The following SLIT3 variants were observed in gnomAD, a reference collection of about 807,000 sequenced individuals.
SLIT3 encodes the protein slit homolog 3 protein.
SLIT3 carries 68 observed loss-of-function variants against 184.0 expected under a neutral mutation model. The ratio of observed to expected loss-of-function variants is 0.37; its 90% CI spans 0.30 to 0.45. SLIT3 has a LOEUF of 0.45. Among genes scored for constraint, SLIT3 ranks in the 20% least tolerant of loss-of-function variants. The pLI is 1.00. For synonymous variants in SLIT3, 831 were observed against 828.6 expected, an observed-to-expected ratio of 1.00 and a Z score of -0.05; for missense variants, 1,707 against 2,026.0, an observed-to-expected ratio of 0.84 and a Z score of 3.02.
intron 1 of SLIT3, among the ~76,000 whole-genome samples, chr5:169,287,347 C>A (rs1356454803): frequency 6.6e-6 from 1 of 152,176 alleles, no homozygotes; most frequent in Non-Finnish European, 1.5e-5. Context: ...CCATCTGGTG[C>A]CTCTCCCCTC....
intron 4 of SLIT3, among the ~76,000 whole-genome samples, chr5:169,091,729 C>G (rs1418316459): frequency 6.6e-6 from 1 of 152,182 alleles, no homozygotes; most frequent in Admixed American, 6.5e-5. Context: ...GCTCTCCTCC[C>G]CACAGTGCAA....
intron 23 of SLIT3, among the ~76,000 whole-genome samples, chr5:168,715,179 T>C (rs997253853): frequency 6.6e-6 from 1 of 152,232 alleles, no homozygotes; most frequent in African/African-American, 2.4e-5. Flanking sequence ...CTGTGTGAGC[T>C]GAGACAATTG....
chr5:168,798,385 G>C (rs540409323), intron 9 of SLIT3, among the ~76,000 whole-genome samples: 1 of 151,946 alleles, frequency 6.6e-6, no homozygotes, highest in South Asian at 2.1e-4. Flanking sequence ...TACCATGCCT[G>C]GCTAATTTTT....
chr5:168,939,807 T>G (rs1762277281), intron 4 of SLIT3, among the ~76,000 whole-genome samples: 1 of 152,240 alleles, frequency 6.6e-6, no homozygotes, highest in Non-Finnish European at 1.5e-5. Context: ...CTTGTCTTAA[T>G]CTTAATGCCA....
chr5:169,226,322 G>A (rs756698894), intron 3 of SLIT3, among the ~76,000 whole-genome samples: 3 of 151,948 alleles, frequency 2.0e-5, no homozygotes, highest in Non-Finnish European at 2.9e-5. Flanking sequence ...GGAGACCTTC[G>A]ACTCCTCTGC....
intron 3 of SLIT3, among the ~76,000 whole-genome samples, chr5:169,215,485 T>C (rs1008275868): frequency 1.3e-5 from 2 of 149,466 alleles, no homozygotes; most frequent in African/African-American, 5.0e-5. Context: ...AAACAGTAAT[T>C]ACTCTGGGCT....
At chr5:169,119,705 TGTGGCACGCTGCCTCTGTGGGTCTCC>T (rs532091865) in intron 4 of SLIT3, among the ~76,000 whole-genome samples, 3,413 of 152,332 alleles carry the variant, frequency 0.022, 79 homozygotes, top group Non-Finnish European at 0.029. Context: ...AACACCCAAC[TGTGGCACGCTGCCTCTGTGGGTCTCC>T]TGTCTTCCCT....
chr5:169,016,948 C>A (rs1443569371), intron 4 of SLIT3, among the ~76,000 whole-genome samples: 3 of 152,168 alleles, frequency 2.0e-5, no homozygotes, highest in East Asian at 3.8e-4. Context: ...GATCCCAGGT[C>A]ACAGAGCAAG....
chr5:169,270,100 C>T (rs762923789), intron 1 of SLIT3, among the ~76,000 whole-genome samples: 2 of 152,218 alleles, frequency 1.3e-5, no homozygotes, highest in African/African-American at 2.4e-5. Context: ...TCTCCTCAGC[C>T]ATTGCCACAA....
chr5:168,859,551 A>G (rs928339065), intron 5 of SLIT3, among the ~76,000 whole-genome samples: 1 of 152,232 alleles, frequency 6.6e-6, no homozygotes, highest in Non-Finnish European at 1.5e-5. Context: ...CACTGAGTAA[A>G]GAGATTTCGA....
At chr5:168,964,454 G>A (rs554997645) in intron 4 of SLIT3, among the ~76,000 whole-genome samples, 1 of 152,236 alleles carries the variant, frequency 6.6e-6, no homozygotes, top group South Asian at 2.1e-4. Context: ...CGTATTATTG[G>A]CCAACAAAAC....
chr5:169,247,569 G>A (rs1401480498), intron 2 of SLIT3, among the ~76,000 whole-genome samples: 1 of 152,164 alleles, frequency 6.6e-6, no homozygotes, highest in Non-Finnish European at 1.5e-5. Flanking sequence ...TTTCAGAGAT[G>A]GGAATAGAAG....
In SLIT3 at chr5:169,195,936, G is replaced by T. The variant is rs199926178; in HGVS notation, c.342-2386C>A. ...AATAAAAAAACTGTACACTAAAAGTGTAGTTAGTTCAGTAGCGTTGAGTAT... is the reference window on the plus strand; with the variant it reads ...AATAAAAAAACTGTACACTAAAAGTTTAGTTAGTTCAGTAGCGTTGAGTAT... On this transcript the variant is annotated intron_variant, in intron 3 of 35. Coordinates refer to ENST00000519560, the MANE Select transcript of SLIT3 (RefSeq NM_003062.4). 1.8e-4 allele frequency among the ~76,000 whole-genome samples: 28 copies of T among 152,322 alleles called. No homozygotes were observed. In the East Asian group the frequency reaches 5.0e-3, roughly 27 times the overall value.
chr5:169,162,512 T>C (rs1411526238), intron 4 of SLIT3, among the ~76,000 whole-genome samples: 4 of 152,156 alleles, frequency 2.6e-5, no homozygotes, highest in African/African-American at 7.2e-5. Flanking sequence ...CCAGATGCCA[T>C]GGGGACACAA....
intron 4 of SLIT3, among the ~76,000 whole-genome samples, chr5:169,059,522 G>A (rs1313835299): frequency 1.3e-5 from 2 of 152,080 alleles, no homozygotes; most frequent in African/African-American, 2.4e-5. Context: ...CAATGCTCTC[G>A]GTCCCAAAGC....
intron 20 of SLIT3, among the ~76,000 whole-genome samples, chr5:168,741,533 G>A (rs866210942): frequency 5.3e-5 from 8 of 150,706 alleles, no homozygotes; most frequent in East Asian, 1.9e-4. Flanking sequence ...TGCCTGCTAC[G>A]GGTTAGTTGC....
chr5:169,147,356 C>T (rs1015991939), intron 4 of SLIT3, among the ~76,000 whole-genome samples: 2 of 152,210 alleles, frequency 1.3e-5, no homozygotes, highest in African/African-American at 4.8e-5. Flanking sequence ...GCAACCTCCA[C>T]CTCCCGGGTT....
At chr5:169,098,926 C>T (rs1181754678) in intron 4 of SLIT3, among the ~76,000 whole-genome samples, 1 of 151,978 alleles carries the variant, frequency 6.6e-6, no homozygotes, top group African/African-American at 2.4e-5. Context: ...ACACCTGGGC[C>T]GGCAGAAAAA....
chr5:168,727,923 G>A (rs1168267227), intron 20 of SLIT3, among the ~76,000 whole-genome samples: 1 of 152,176 alleles, frequency 6.6e-6, no homozygotes, highest in Non-Finnish European at 1.5e-5. Flanking sequence ...GGAGCTTGGA[G>A]GCAGGAGCTG....
Sources: gnomAD v4.1 joint callset for allele counts (sites outside exome capture counted in the v4.1 genomes callset) on GRCh38, gnomAD v4.1.1 for gene constraint, MANE v1.5 for transcripts, NCBI Gene and HGNC (gene_info 2026-07-23, HGNC 2026-07-21) for gene names.